BBOF1: variants seen among roughly 807,000 people sequenced by gnomAD.
The protein encoded by BBOF1 is basal body orientation factor 1, also known as basal body-orientation factor 1.
In BBOF1, 62 loss-of-function variants were observed where a neutral mutation model predicts 68.0. That is an observed-to-expected ratio of 0.91 (90% confidence interval 0.74 to 1.13). BBOF1 has a LOEUF of 1.13. BBOF1 is among the 50% of genes most tolerant of loss of function. The pLI is 0.00. For synonymous variants in BBOF1, 208 were observed against 198.8 expected, an observed-to-expected ratio of 1.05 and a Z score of -0.39; for missense variants, 534 against 600.1, an observed-to-expected ratio of 0.89 and a Z score of 1.15.
rs2060233851 is a variant in BBOF1 at position 74,057,244 on chromosome 14, C to T, written c.1564C>T (p.Gln522Ter). 2 of 1,614,014 alleles carry T rather than the reference C, an allele frequency of 1.2e-6. No homozygotes were observed. ...VVLPTIPKEP[Q>*]ESDTGTF Reference sequence around the variant, plus strand: ...GCTACCCACTATTCCAAAAGAACCTCAGGAGTCTGACACAGTAAGGAGTCT... The same window carrying T: ...GCTACCCACTATTCCAAAAGAACCTTAGGAGTCTGACACAGTAAGGAGTCT... Residue 522 changes from glutamine (Q) to a stop codon, truncating the protein, a stop_gained, in exon 11 of 12, where the codon CAG becomes TAG. Coordinates refer to ENST00000394009, the MANE Select transcript of BBOF1 (RefSeq NM_025057.3). LOFTEE classifies it high-confidence loss of function.
intron 11 of BBOF1, among the ~76,000 whole-genome samples, chr14:74,062,315 G>GACT (rs1173257357): frequency 6.6e-6 from 1 of 151,696 alleles, no homozygotes; most frequent in Non-Finnish European, 1.5e-5. Context: ...CAAAAGCTGT[G>GACT]ACTAGGCCGG....
At chr14:74,077,368 T>G (rs1393225584) in intron 9 of BBOF1, among the ~76,000 whole-genome samples, 1 of 152,204 alleles carries the variant, frequency 6.6e-6, no homozygotes. Flanking sequence ...CCGTTTTGTG[T>G]TGCTATAACA....
chr14:74,021,429 T>G (rs2059295598), intron 1 of BBOF1, among the ~76,000 whole-genome samples: 1 of 151,822 alleles, frequency 6.6e-6, no homozygotes, highest in Non-Finnish European at 1.5e-5. Context: ...CTACAAAAAT[T>G]TTTATTAAAA....
intron 4 of BBOF1, among the ~76,000 whole-genome samples, chr14:74,040,006 A>G (rs375589338): frequency 6.6e-6 from 1 of 151,874 alleles, no homozygotes; most frequent in East Asian, 1.9e-4. Context: ...ACATATATAT[A>G]TATATTTTTT....
chr14:74,037,260 A>G (rs1595044548), intron 4 of BBOF1, among the ~76,000 whole-genome samples: 1 of 130,010 alleles, frequency 7.7e-6, no homozygotes. Context: ...GGTGTGAACC[A>G]CCACGCCTGG....
intron 11 of BBOF1, chr14:74,060,501 G>A: frequency 2.8e-6 from 2 of 725,376 alleles, no homozygotes; most frequent in South Asian, 3.0e-5. Flanking sequence ...AAACTTTGCG[G>A]GGGTTAATAG....
intron 11 of BBOF1, 84 bp from the exon 12 acceptor site, chr14:74,064,604 T>C: frequency 7.5e-7 from 1 of 1,341,094 alleles, no homozygotes; most frequent in Non-Finnish European, 1.1e-6. Flanking sequence ...TTCCCCATGC[T>C]CTTTCCTCAA....
intron 9 of BBOF1, chr14:74,071,262 A>G (rs1191455573): frequency 1.2e-6 from 2 of 1,614,112 alleles, no homozygotes; most frequent in African/African-American, 2.7e-5. Context: ...GCAACTTAGC[A>G]AGAAGCATAG....
chr14:74,023,209 G>T lies in BBOF1; in HGVS notation c.285+65G>T, dbSNP rs534043024. On this transcript the variant is annotated intron_variant, in intron 2 of 11. Transcript: ENST00000394009. ...TCTATGGTGATGCTGATGTGGTTAT[G>T]TATTTCAAAGATTTTTAATTCCTTG... The T allele has an allele frequency of 4.4e-5, 38 of 872,726 alleles. 1 individual carries two copies. The South Asian group carries it at 7.1e-4, about 16-fold the overall frequency. 54.1% of individuals were successfully genotyped at this position (872,726 alleles called of 1,614,324 possible).
Position 74,064,939 on chromosome 14 carries a change from G to T in BBOF1, c.*240G>T. 6.2e-7 allele frequency: 1 copy of T among 1,603,412 alleles called. No homozygotes were observed. Among genetic ancestry groups the T allele is most frequent in the Non-Finnish European group, 8.5e-7 (1 of 1,171,056 alleles). On this transcript the variant is annotated 3_prime_UTR_variant, in exon 12 of 12. Coordinates refer to ENST00000394009, the MANE Select transcript of BBOF1 (RefSeq NM_025057.3). ...CTCCCACCTAAAACAGAACAAATCC[G>T]TGTCATATCCTAAGGACAAAGGAAC...
At chr14:74,081,262 T>C (rs2139820126) in exon 12 of BBOF1, 1 of 152,314 alleles carries the variant, frequency 6.6e-6, no homozygotes, top group East Asian at 1.9e-4. Context: ...CCTAGCACAA[T>C]TCCTGGAAGA....
chr14:74,032,739 G>A (rs957607480), intron 3 of BBOF1, among the ~76,000 whole-genome samples: 16 of 151,888 alleles, frequency 1.1e-4, no homozygotes, highest in Admixed American at 5.9e-4. Context: ...TGATCCACCC[G>A]CCTCAGCCTC....
chr14:74,041,097 C>T lies in BBOF1; in HGVS notation c.576+452C>T, dbSNP rs931658441. On this transcript the variant is annotated intron_variant, in intron 5 of 11. Coordinates refer to ENST00000394009, the MANE Select transcript of BBOF1 (RefSeq NM_025057.3). ...CTTTGGGAGGCCGAGGCAGGTGGAT[C>T]GTCTCAGGTCAGGAGTTCGAGACCA... Among the ~76,000 whole-genome samples the T allele has an allele frequency of 2.6e-5, 4 of 152,228 alleles. No homozygotes were observed. In the East Asian group the frequency reaches 5.8e-4, roughly 22 times the overall value.
chr14:74,062,562 C>G (rs1408372691), intron 11 of BBOF1, among the ~76,000 whole-genome samples: 2 of 151,914 alleles, frequency 1.3e-5, no homozygotes, highest in East Asian at 1.9e-4. Flanking sequence ...GATCATGCCA[C>G]TATACTCCAG....
chr14:74,034,198 A>G, intron 4 of BBOF1, 27 bp downstream of exon 4: 1 of 1,467,750 alleles, frequency 6.8e-7, no homozygotes, highest in Non-Finnish European at 9.1e-7. Flanking sequence ...TTTTACAAAA[A>G]GGAAATTAGA....
intron 8 of BBOF1, among the ~76,000 whole-genome samples, chr14:74,051,318 C>T (rs369991076): frequency 6.6e-6 from 1 of 151,614 alleles, no homozygotes; most frequent in African/African-American, 2.4e-5. Flanking sequence ...ACTCAGTAGG[C>T]ACAAGAATCG....
chr14:74,060,800 C>G (rs1005092648), intron 11 of BBOF1: 72 of 1,294,708 alleles, frequency 5.6e-5, no homozygotes, highest in Non-Finnish European at 7.9e-5. Context: ...CATGATTCTT[C>G]TTTTAATTAG....
At chr14:74,057,017 C>T in intron 10 of BBOF1, 37 bp downstream of exon 10, 1 of 1,589,912 alleles carries the variant, frequency 6.3e-7, no homozygotes, top group Non-Finnish European at 8.6e-7. Context: ...AACATGAGCC[C>T]AACACGATGG....
chr14:74,072,093 A>C (rs1009266084), intron 9 of BBOF1: 64 of 1,564,702 alleles, frequency 4.1e-5, no homozygotes, highest in Non-Finnish European at 5.4e-5. Flanking sequence ...GTCATGATCA[A>C]CGTCTCTGCA....
Sources: gnomAD v4.1 joint callset for allele counts (sites outside exome capture counted in the v4.1 genomes callset) on GRCh38, gnomAD v4.1.1 for gene constraint, MANE v1.5 for transcripts, NCBI Gene and HGNC (gene_info 2026-07-23, HGNC 2026-07-21) for gene names.